The following SPECC1L variants were observed in gnomAD, a reference collection of about 807,000 sequenced individuals.
The protein encoded by SPECC1L is sperm antigen with calponin homology and coiled-coil domains 1 like, also known as cytospin-A.
In SPECC1L, 40 loss-of-function variants were observed where a neutral mutation model predicts 116.8. The ratio of observed to expected loss-of-function variants is 0.34; its 90% CI spans 0.27 to 0.45. The LOEUF is 0.45. SPECC1L is among the 20% of genes least tolerant of loss of function. SPECC1L has a pLI of 1.00. For synonymous variants in SPECC1L, 504 were observed against 500.6 expected (o/e 1.01, Z -0.09); for missense variants, 1,110 against 1,373.6 (o/e 0.81, Z 3.03).
chr22:24,359,362 C>A (rs1375685677), intron 11 of SPECC1L, among the ~76,000 whole-genome samples: 1 of 152,212 alleles, frequency 6.6e-6, no homozygotes, highest in Non-Finnish European at 1.5e-5. Context: ...TCTGCACTCT[C>A]TCTCTCATTG....
intron 14 of SPECC1L, among the ~76,000 whole-genome samples, chr22:24,395,748 G>T (rs978334688): frequency 6.6e-6 from 1 of 151,780 alleles, no homozygotes; most frequent in Non-Finnish European, 1.5e-5. Context: ...AGCAATTCTC[G>T]TGCCTCAGCC....
At chr22:24,323,204 A>G (rs1330584507) in intron 5 of SPECC1L, 1 of 692,526 alleles carries the variant, frequency 1.4e-6, no homozygotes, top group East Asian at 1.3e-4. Flanking sequence ...AGTTCTGAGT[A>G]TTCCTATGGA....
chr22:24,294,230 T>C (rs880001678), intron 2 of SPECC1L, among the ~76,000 whole-genome samples: 26 of 122,628 alleles, frequency 2.1e-4, no homozygotes, highest in African/African-American at 7.5e-4. Flanking sequence ...TTGGGGATCT[T>C]TCTGCTTCCA....
In SPECC1L at chr22:24,411,655, C is replaced by T; in HGVS notation, c.3155C>T (p.Thr1052Ile). The change falls in exon 15 of 17, where the codon ACA (threonine) becomes ATA (isoleucine). Residue 1052 changes from threonine to isoleucine, a missense_variant. By Grantham distance (89) the Thr-to-Ile change is moderately conservative. Around this residue, in one of 4 missense-constraint regions of SPECC1L, gnomAD observed 76 missense variants for 148.5 expected, o/e 0.51. Transcript: ENST00000314328. ...DGLAFCALLHTYLPAHIPYQE... is the reference protein window; with the variant it reads ...DGLAFCALLHIYLPAHIPYQE... The stretch of plus-strand genomic sequence containing the variant: ...CTGGCCTTCTGTGCCCTCCTGCATA[C>T]ATATCTCCCTGCCCACATTCCATAT... 6.2e-7 allele frequency: 1 copy of T among 1,614,094 alleles called. No homozygotes were observed. Among genetic ancestry groups the T allele is most frequent in the Non-Finnish European group, 8.5e-7 (1 of 1,180,052 alleles).
At chr22:24,298,047 A>T (rs528936268) in intron 2 of SPECC1L, among the ~76,000 whole-genome samples, 5 of 152,182 alleles carry the variant, frequency 3.3e-5, no homozygotes, top group Non-Finnish European at 7.4e-5. Flanking sequence ...TCCCCAACTT[A>T]CTGTGGTTCG....
At chr22:24,399,579 CAAA>C (rs553159232) in intron 14 of SPECC1L, among the ~76,000 whole-genome samples, 1 of 147,408 alleles carries the variant, frequency 6.8e-6, no homozygotes. Context: ...TCAAAAAAAA[CAAA>C]AAAAAAAGTT....
intron 10 of SPECC1L, among the ~76,000 whole-genome samples, chr22:24,339,953 T>C (rs2041138489): frequency 6.6e-6 from 1 of 151,866 alleles, no homozygotes; most frequent in Non-Finnish European, 1.5e-5. Context: ...CCTGGCTGTT[T>C]TCTGTGTTTT....
intron 10 of SPECC1L, among the ~76,000 whole-genome samples, chr22:24,342,486 C>G (rs190879291): frequency 6.6e-6 from 1 of 152,064 alleles, no homozygotes; most frequent in Non-Finnish European, 1.5e-5. Context: ...GCCTGGCCAA[C>G]ATGGCGAAAC....
chr22:24,314,372 T>G (rs2040519918), intron 4 of SPECC1L, among the ~76,000 whole-genome samples: 1 of 152,210 alleles, frequency 6.6e-6, no homozygotes, highest in Admixed American at 6.5e-5. Flanking sequence ...TTTAAAAATA[T>G]AATCATAATA....
intron 11 of SPECC1L, among the ~76,000 whole-genome samples, chr22:24,359,564 C>T (rs144520434): frequency 4.6e-4 from 70 of 152,214 alleles, no homozygotes; most frequent in Non-Finnish European, 9.9e-4. Flanking sequence ...CTGTGTCCCT[C>T]ACATTGGCTC....
chr22:24,412,453 A>T, intron 15 of SPECC1L, 195 bp from the exon 16 acceptor site: 1 of 657,852 alleles, frequency 1.5e-6, no homozygotes. Flanking sequence ...GCAGGTCAGG[A>T]GGGGAGGGTG....
At chr22:24,326,197 C>T (rs1021204481) in intron 6 of SPECC1L, among the ~76,000 whole-genome samples, 5 of 152,230 alleles carry the variant, frequency 3.3e-5, no homozygotes, top group African/African-American at 9.7e-5. Context: ...AGGTGATCAG[C>T]AGATATTACA....
At chr22:24,342,742 C>T (rs562514208) in intron 10 of SPECC1L, among the ~76,000 whole-genome samples, 1 of 150,922 alleles carries the variant, frequency 6.6e-6, no homozygotes, top group South Asian at 2.1e-4. Context: ...AGAATCTGTC[C>T]ATAATGAGTA....
intron 14 of SPECC1L, among the ~76,000 whole-genome samples, chr22:24,392,735 T>A (rs1384043995): frequency 6.6e-6 from 1 of 152,192 alleles, no homozygotes; most frequent in Non-Finnish European, 1.5e-5. Flanking sequence ...ACTTAATGGC[T>A]TAACATAATG....
chr22:24,391,288 C>T (rs960068995), intron 14 of SPECC1L, among the ~76,000 whole-genome samples: 5 of 152,184 alleles, frequency 3.3e-5, no homozygotes, highest in Non-Finnish European at 7.3e-5. Context: ...TCAAACATAG[C>T]AGCTGGGAAA....
chr22:24,284,055 C>G (rs1044643607), intron 2 of SPECC1L, among the ~76,000 whole-genome samples: 29 of 152,132 alleles, frequency 1.9e-4, no homozygotes, highest in African/African-American at 6.3e-4. Context: ...TTTCATTGAT[C>G]TCTGTTTTAC....
intron 4 of SPECC1L, among the ~76,000 whole-genome samples, chr22:24,320,858 T>G (rs2040707357): frequency 6.6e-6 from 1 of 152,196 alleles, no homozygotes; most frequent in Non-Finnish European, 1.5e-5. Flanking sequence ...ACCTATGATC[T>G]CCCTTCACTA....
At chr22:24,309,650 T>C (rs5760330) in intron 3 of SPECC1L, among the ~76,000 whole-genome samples, 84,205 of 151,946 alleles carry the variant, frequency 0.55, 23,699 homozygotes, top group African/African-American at 0.64. Context: ...CTACCCACCT[T>C]GTCCTCCCAA....
intron 11 of SPECC1L, among the ~76,000 whole-genome samples, chr22:24,349,233 G>T (rs1012257401): frequency 6.6e-6 from 1 of 152,170 alleles, no homozygotes; most frequent in African/African-American, 2.4e-5. Flanking sequence ...TAGAGACGGG[G>T]TTTTGCCATG....
Sources: allele counts gnomAD v4.1 joint callset (sites outside exome capture counted in the v4.1 genomes callset), GRCh38; gene constraint gnomAD v4.1.1; regional missense constraint gnomAD v4.1.1; transcripts MANE v1.5; gene names NCBI Gene and HGNC (gene_info 2026-07-23, HGNC 2026-07-21).